SUGCT: variants seen among roughly 807,000 people sequenced by gnomAD.
SUGCT encodes the protein succinyl-CoA:glutarate CoA-transferase.
In SUGCT, 41 loss-of-function variants were observed where a neutral mutation model predicts 55.0. That is an observed-to-expected ratio of 0.74 (90% confidence interval 0.58 to 0.97). SUGCT has a LOEUF of 0.97. Ranked by LOEUF, SUGCT falls within the 50% of genes least tolerant of loss-of-function variation. SUGCT has a pLI of 0.00. For missense variants in SUGCT, 568 were observed against 547.8 expected, an observed-to-expected ratio of 1.04 and a Z score of -0.37; for synonymous variants, 187 against 200.4, an observed-to-expected ratio of 0.93 and a Z score of 0.56.
At chr7:40,136,897 T>C (rs115312101) in intron 1 of SUGCT, among the ~76,000 whole-genome samples, 4,687 of 152,076 alleles carry the variant, frequency 0.031, 242 homozygotes, top group African/African-American at 0.11. Flanking sequence ...CTTGGGAGGC[T>C]GAGGTGGGAT....
At chr7:40,275,738 C>T (rs1470404345) in intron 8 of SUGCT, among the ~76,000 whole-genome samples, 2 of 151,880 alleles carry the variant, frequency 1.3e-5, no homozygotes, top group Non-Finnish European at 2.9e-5. Context: ...TGTTTATAGA[C>T]CCCAGATAAA....
chr7:40,950,547 G>A, the SUGCT span, among the ~76,000 whole-genome samples: 2 of 152,200 alleles, frequency 1.3e-5, no homozygotes, highest in Middle Eastern at 6.8e-3. Context: ...TTTTCAAAGG[G>A]AATGCTTCCC....
rs145768014 is a variant in SUGCT at position 40,713,520 on chromosome 7, A to G, written c.1090-35914A>G. Among the ~76,000 whole-genome samples, 11 of 152,302 alleles carry G rather than the reference A, an allele frequency of 7.2e-5. No homozygotes were observed. In the East Asian group the frequency reaches 2.1e-3, roughly 29 times the overall value. On this transcript the variant is annotated intron_variant, in intron 12 of 13. Coordinates refer to ENST00000335693, the MANE Select transcript of SUGCT (RefSeq NM_001193313.2). Reference sequence around the variant, plus strand: ...TGCCACTGTATTCCAATAATTTTATACCTATTAGGTAGATGTTGAATTAAG... The same window carrying G: ...TGCCACTGTATTCCAATAATTTTATGCCTATTAGGTAGATGTTGAATTAAG...
Position 40,274,947 on chromosome 7 carries a change from A to G in SUGCT, c.720+291A>G, listed in dbSNP as rs770894317. Among the ~76,000 whole-genome samples the G allele has an allele frequency of 3.9e-5, 6 of 152,106 alleles. No individual in the cohort carries two copies. In the East Asian group the frequency reaches 5.8e-4, roughly 15 times the overall value. ...CTCCTGAGTAGCTGGGGTTACAGGC[A>G]TGTGCCACCACGCCCGGCTAATTTT... On this transcript the variant is annotated intron_variant, in intron 8 of 13. Coordinates refer to ENST00000335693, the MANE Select transcript of SUGCT (RefSeq NM_001193313.2).
chr7:40,839,216 T>C (rs55996031), intron 13 of SUGCT, among the ~76,000 whole-genome samples: 1 of 152,144 alleles, frequency 6.6e-6, no homozygotes, highest in Non-Finnish European at 1.5e-5. Context: ...AGTTTTCTTT[T>C]GATGTACTGT....
intron 13 of SUGCT, among the ~76,000 whole-genome samples, chr7:40,791,937 G>A (rs1229542879): frequency 1.3e-5 from 2 of 152,054 alleles, no homozygotes; most frequent in African/African-American, 2.4e-5. Context: ...TCTTTTGTTG[G>A]TCTAGCCCCT....
intron 12 of SUGCT, among the ~76,000 whole-genome samples, chr7:40,578,584 ATTAGC>A (rs1796904455): frequency 6.6e-6 from 1 of 151,628 alleles, no homozygotes; most frequent in Non-Finnish European, 1.5e-5. Context: ...TGTCCTGATT[ATTAGC>A]ATCAGCTGGG....
At chr7:41,035,603 T>C in the SUGCT span, among the ~76,000 whole-genome samples, 1 of 152,252 alleles carries the variant, frequency 6.6e-6, no homozygotes, top group African/African-American at 2.4e-5. Flanking sequence ...AATATCTTTT[T>C]TGAAATTTTA....
At chr7:41,021,048 C>T in the SUGCT span, among the ~76,000 whole-genome samples, 3 of 152,222 alleles carry the variant, frequency 2.0e-5, no homozygotes, top group Non-Finnish European at 4.4e-5. Flanking sequence ...ATTACCCACT[C>T]CGTGAAGAGA....
chr7:40,365,559 G>A (rs1783904567), intron 9 of SUGCT, among the ~76,000 whole-genome samples: 2 of 152,256 alleles, frequency 1.3e-5, no homozygotes, highest in Admixed American at 1.3e-4. Context: ...AGCAACTTCA[G>A]CAAAGTCTCA....
chr7:40,683,950 G>GT, intron 12 of SUGCT: 1 of 1,503,344 alleles, frequency 6.7e-7, no homozygotes. Context: ...CTTTCTGGAG[G>GT]TTTTGGGGGA....
the SUGCT span, chr7:40,965,598 A>G: frequency 1.3e-5 from 2 of 152,232 alleles, no homozygotes; most frequent in Admixed American, 6.5e-5. Flanking sequence ...CGAGTTGTAT[A>G]TGATGTTTCT....
chr7:40,995,364 T>C, the SUGCT span, among the ~76,000 whole-genome samples: 4 of 139,200 alleles, frequency 2.9e-5, no homozygotes, highest in Admixed American at 3.0e-4. Context: ...TCTCAGCACT[T>C]GGTATCCTAT....
intron 12 of SUGCT, among the ~76,000 whole-genome samples, chr7:40,610,569 G>A (rs1295500593): frequency 6.6e-6 from 1 of 152,152 alleles, no homozygotes; most frequent in Non-Finnish European, 1.5e-5. Flanking sequence ...CTAGAAGAGA[G>A]CTAGTTCTCA....
chr7:40,843,280 G>A (rs1366881929), intron 13 of SUGCT, among the ~76,000 whole-genome samples: 1 of 152,104 alleles, frequency 6.6e-6, no homozygotes, highest in Non-Finnish European at 1.5e-5. Flanking sequence ...GGGAGGCCGA[G>A]GCGGGCAGAT....
chr7:40,825,536 C>T (rs1310370975), intron 13 of SUGCT, among the ~76,000 whole-genome samples: 2 of 152,050 alleles, frequency 1.3e-5, no homozygotes, highest in African/African-American at 4.8e-5. Flanking sequence ...TAACGTATTC[C>T]ATGAAATAAA....
chr7:40,303,026 C>A (rs911970205), intron 8 of SUGCT, among the ~76,000 whole-genome samples: 1 of 152,024 alleles, frequency 6.6e-6, no homozygotes, highest in African/African-American at 2.4e-5. Context: ...ACCAAGAAAG[C>A]CATTTTTTTT....
chr7:40,428,521 GCTGTGTGT>G (rs1787717624), intron 9 of SUGCT, among the ~76,000 whole-genome samples: 1 of 54,152 alleles, frequency 1.8e-5, no homozygotes, highest in African/African-American at 5.9e-5. Context: ...CTCTGTCTCT[GCTGTGTGT>G]GTGTGTGTGT....
the SUGCT span, among the ~76,000 whole-genome samples, chr7:40,869,808 T>C: frequency 1.3e-5 from 2 of 152,206 alleles, no homozygotes; most frequent in African/African-American, 2.4e-5. Flanking sequence ...TGCAGTTATT[T>C]TGTAGAATGT....
Sources: gnomAD v4.1 joint callset for allele counts (sites outside exome capture counted in the v4.1 genomes callset) on GRCh38, gnomAD v4.1.1 for gene constraint, MANE v1.5 for transcripts, NCBI Gene and HGNC (gene_info 2026-07-23, HGNC 2026-07-21) for gene names.